The following ANO4 variants were observed in gnomAD, a reference collection of about 807,000 sequenced individuals.
ANO4 encodes the protein anoctamin-4.
Under a neutral mutation model 141.9 loss-of-function variants are expected in ANO4, and 69 were observed. That is an observed-to-expected ratio of 0.49 (90% CI 0.40 to 0.59). The LOEUF is 0.59. Ranked by LOEUF, ANO4 falls within the 20% of genes least tolerant of loss-of-function variation. ANO4 has a pLI of 0.00. For synonymous variants in ANO4, 350 were observed against 394.3 expected (o/e 0.89, Z 1.33); for missense variants, 894 against 1,162.2 (o/e 0.77, Z 3.36).
chr12:100,964,728 C>G (rs1566064474), intron 5 of ANO4, among the ~76,000 whole-genome samples: 1 of 152,154 alleles, frequency 6.6e-6, no homozygotes, highest in Admixed American at 6.5e-5. Context: ...CTGGAATGCT[C>G]TCTCCCTGTG....
At chr12:100,885,289 A>T (rs2135969534) in intron 1 of ANO4, among the ~76,000 whole-genome samples, 1 of 152,350 alleles carries the variant, frequency 6.6e-6, no homozygotes, top group Non-Finnish European at 1.5e-5. Context: ...TGTCTACCAC[A>T]CAACCGACAT....
intron 14 of ANO4, among the ~76,000 whole-genome samples, chr12:101,059,106 T>C (rs2048244315): frequency 6.6e-6 from 1 of 152,330 alleles, no homozygotes; most frequent in South Asian, 2.1e-4. Flanking sequence ...CTTTTCTGTA[T>C]CTATTGAGAT....
chr12:100,766,661 G>C (rs991731070), intron 3 of ANO4, among the ~76,000 whole-genome samples: 1 of 152,050 alleles, frequency 6.6e-6, no homozygotes, highest in Non-Finnish European at 1.5e-5. Flanking sequence ...GGCCTAATAT[G>C]TGATCTATCC....
intron 3 of ANO4, among the ~76,000 whole-genome samples, chr12:100,784,342 G>A (rs1565873400): frequency 1.3e-5 from 2 of 152,050 alleles, no homozygotes. Flanking sequence ...AACACCCCTT[G>A]TCCCCTTTTG....
chr12:100,814,981 T>A (rs987949227), intron 1 of ANO4, among the ~76,000 whole-genome samples: 3 of 152,064 alleles, frequency 2.0e-5, no homozygotes, highest in African/African-American at 7.2e-5. Flanking sequence ...TGAGATTTTA[T>A]CATGGATCAG....
chr12:100,769,844 A>G (rs1442066640), intron 3 of ANO4, among the ~76,000 whole-genome samples: 2 of 152,240 alleles, frequency 1.3e-5, no homozygotes, highest in East Asian at 3.8e-4. Context: ...AAATTATAAT[A>G]GTTGGTTATA....
At chr12:101,028,394 G>A (rs542188478) in intron 9 of ANO4, among the ~76,000 whole-genome samples, 12 of 152,160 alleles carry the variant, frequency 7.9e-5, no homozygotes, top group Non-Finnish European at 1.6e-4. Flanking sequence ...AGCTCTAGGA[G>A]CATGTTCTAA....
chr12:101,070,751 A>G (rs2048777049), intron 14 of ANO4, among the ~76,000 whole-genome samples: 1 of 152,178 alleles, frequency 6.6e-6, no homozygotes, highest in Non-Finnish European at 1.5e-5. Context: ...ATGGGAGAAA[A>G]TATTTGTAAA....
At position 101,089,146 on chromosome 12, in the gene ANO4, T is replaced by C. The variant is rs187636215; in HGVS notation, c.1701+2322T>C. 4.6e-5 allele frequency among the ~76,000 whole-genome samples: 7 copies of C among 152,288 alleles called. No homozygotes were observed. The East Asian group carries it at 1.4e-3, about 29-fold the overall frequency. ...GTTTATCTATGTAGCTTATCATTTC[T>C]AGTTCTTTAAACAATCCTGAGTTCC... On this transcript the variant is annotated intron_variant, in intron 17 of 27. Coordinates refer to ENST00000392977, the MANE Select transcript of ANO4 (RefSeq NM_001286615.2).
chr12:100,722,391 T>C (rs1202133358), intron 1 of ANO4, among the ~76,000 whole-genome samples: 2 of 152,178 alleles, frequency 1.3e-5, no homozygotes, highest in Non-Finnish European at 2.9e-5. Context: ...TGTGTAGGGC[T>C]AAAAATTGAA....
chr12:100,955,352 T>C (rs1317667847), intron 5 of ANO4, among the ~76,000 whole-genome samples: 2 of 152,198 alleles, frequency 1.3e-5, no homozygotes, highest in Admixed American at 1.3e-4. Context: ...AATGTTGGTG[T>C]TGGCTGTCAG....
chr12:100,817,683 T>C (rs563715960), intron 1 of ANO4, among the ~76,000 whole-genome samples: 1 of 152,062 alleles, frequency 6.6e-6, no homozygotes, highest in South Asian at 2.1e-4. Flanking sequence ...TTCTTAACAT[T>C]GCCAGGTATA....
intron 5 of ANO4, 123 bp downstream of exon 5, chr12:100,942,658 C>A: frequency 9.2e-7 from 1 of 1,086,372 alleles, no homozygotes; most frequent in Non-Finnish European, 1.3e-6. Context: ...GTTTTCCAGT[C>A]TTCAGAGTTT....
intron 5 of ANO4, among the ~76,000 whole-genome samples, chr12:100,951,140 C>T (rs2042954109): frequency 6.6e-6 from 1 of 152,288 alleles, no homozygotes; most frequent in East Asian, 1.9e-4. Context: ...GATACCATCT[C>T]ACACCAGTCA....
chr12:100,887,572 C>T (rs948557060), intron 1 of ANO4, among the ~76,000 whole-genome samples: 99 of 151,532 alleles, frequency 6.5e-4, no homozygotes, highest in African/African-American at 2.2e-3. Flanking sequence ...TGTCCTCCTG[C>T]GAAGTGCATT....
At chr12:100,906,178 G>C (rs1275959963) in intron 2 of ANO4, among the ~76,000 whole-genome samples, 1 of 152,136 alleles carries the variant, frequency 6.6e-6, no homozygotes, top group Non-Finnish European at 1.5e-5. Flanking sequence ...GATTTGAACA[G>C]CAGTGTGGTT....
At chr12:100,724,013 AAAAC>A (rs1427729766) in intron 1 of ANO4, among the ~76,000 whole-genome samples, 7 of 105,286 alleles carry the variant, frequency 6.6e-5, no homozygotes, top group Non-Finnish European at 1.2e-4. Context: ...AAGCAAAACA[AAAAC>A]AAACAAAAAA....
chr12:101,012,165 A>C (rs1159559022), intron 8 of ANO4, among the ~76,000 whole-genome samples: 1 of 152,230 alleles, frequency 6.6e-6, no homozygotes. Context: ...TGGGAATCAC[A>C]TGATTTACTT....
intron 20 of ANO4, 39 bp from the exon 21 acceptor site, chr12:101,097,809 C>G: frequency 6.2e-7 from 1 of 1,608,328 alleles, no homozygotes; most frequent in Non-Finnish European, 8.5e-7. Flanking sequence ...TTCTTCCTCT[C>G]CATTGATTCT....
Sources: gnomAD v4.1 joint callset for allele counts (sites outside exome capture counted in the v4.1 genomes callset) on GRCh38, gnomAD v4.1.1 for gene constraint, MANE v1.5 for transcripts, NCBI Gene and HGNC (gene_info 2026-07-23, HGNC 2026-07-21) for gene names.